The following GPR161 variants were observed in gnomAD, a reference collection of about 807,000 sequenced individuals.
GPR161 encodes the protein G-protein coupled receptor RE2.
A neutral mutation model predicts 39.2 loss-of-function variants in GPR161; 25 were observed. The ratio of observed to expected loss-of-function variants is 0.64; its 90% CI spans 0.47 to 0.89. The LOEUF is 0.89. Ranked by LOEUF, GPR161 falls within the 40% of genes least tolerant of loss-of-function variation. GPR161 has a pLI of 0.00. For synonymous variants in GPR161, 286 were observed against 276.6 expected (o/e 1.03, Z -0.34); for missense variants, 547 against 677.8 (o/e 0.81, Z 2.14).
At position 168,098,604 on chromosome 1, in the gene GPR161, C is replaced by G. The variant is rs1490843112; in HGVS notation, c.375-1372G>C. 6.6e-6 allele frequency among the ~76,000 whole-genome samples: 1 copy of G among 152,238 alleles called. No homozygotes were observed. Among genetic ancestry groups the G allele is most frequent in the African/African-American group, 2.4e-5 (1 of 41,464 alleles). ...CCCTTGGGCCCCAGCAGCTGAACTG[C>G]CACATGCTAACTGGAGGTGCTGCCT... On this transcript the variant is annotated intron_variant, in intron 2 of 5. Coordinates refer to ENST00000682931, the MANE Select transcript of GPR161 (RefSeq NM_001375883.1). This position sits in a 1 kb window ranked among gnomAD's most constrained non-coding sequence, Gnocchi z 4.1.
At chr1:168,099,020 A>C (rs1486687108) in intron 2 of GPR161, among the ~76,000 whole-genome samples, 2 of 152,204 alleles carry the variant, frequency 1.3e-5, no homozygotes, top group African/African-American at 4.8e-5. Context: ...TGCTCCTAGG[A>C]ACGAATGAGG....
intron 1 of GPR161, among the ~76,000 whole-genome samples, chr1:168,110,125 G>A (rs1379158592): frequency 2.0e-5 from 3 of 152,136 alleles, no homozygotes; most frequent in African/African-American, 7.2e-5. Context: ...TGATGAAAGT[G>A]AGCACATAGC....
chr1:168,112,381 G>A (rs548970920), intron 1 of GPR161, among the ~76,000 whole-genome samples: 1 of 150,848 alleles, frequency 6.6e-6, no homozygotes, highest in South Asian at 2.1e-4. Flanking sequence ...TCGGGAGGCT[G>A]AGGCAGGAGA....
chr1:168,104,460 G>A lies in GPR161; in HGVS notation c.374+17C>T, dbSNP rs752450162. On this transcript the variant is annotated intron_variant, in intron 2 of 5. Transcript: ENST00000682931. ...CGTCAGTAATCCCTCAATTCTCTAA[G>A]TCTGAGGCATGCTTACCGGTCGATG... is the stretch of plus-strand genomic sequence containing the variant. 1 of 1,602,408 alleles carries A rather than the reference G, an allele frequency of 6.2e-7. No homozygotes were observed. Among genetic ancestry groups the A allele is most frequent in the South Asian group, 1.1e-5 (1 of 90,176 alleles).
At chr1:168,120,326 C>G (rs1698063200) in intron 1 of GPR161, among the ~76,000 whole-genome samples, 1 of 152,156 alleles carries the variant, frequency 6.6e-6, no homozygotes, top group African/African-American at 2.4e-5. Flanking sequence ...GGTCTGTGGT[C>G]CCTTTGTTTT....
intron 3 of GPR161, among the ~76,000 whole-genome samples, chr1:168,092,946 G>A (rs2102123792): frequency 6.6e-6 from 1 of 152,212 alleles, no homozygotes; most frequent in South Asian, 2.1e-4. Context: ...ATACTGCCTG[G>A]GCCACCCTCC....
rs755169554 is a variant in GPR161 at position 168,085,605 on chromosome 1, T to G, written c.1516A>C (p.Arg506=). ...GGGFGGRRGS[R]TLVSQRLQLQ... ...TGCAGCCTCTGGCTCACAAGAGTTCTGCTGCCTCGGCGGCCCCCGAAGCCG... is the reference window on the plus strand; with the variant it reads ...TGCAGCCTCTGGCTCACAAGAGTTCGGCTGCCTCGGCGGCCCCCGAAGCCG... Residue 506 remains arginine, a synonymous_variant, in exon 6 of 6, where the codon AGA becomes CGA. Coordinates refer to ENST00000682931, the MANE Select transcript of GPR161 (RefSeq NM_001375883.1). 6.2e-7 allele frequency: 1 copy of G among 1,614,162 alleles called. No homozygotes were observed. Among genetic ancestry groups the G allele is most frequent in the South Asian group, 1.1e-5 (1 of 91,088 alleles).
rs369965998 is a variant in GPR161 at position 168,085,487 on chromosome 1, C to G, written c.*44G>C. On this transcript the variant is annotated 3_prime_UTR_variant, in exon 6 of 6. Coordinates refer to ENST00000682931, the MANE Select transcript of GPR161 (RefSeq NM_001375883.1). ...ACAGGCGGTGATGGGAACTCCTCCCCGGGCCAGCCTCTCAGGCTGCAGCCC... is the reference window on the plus strand; with the variant it reads ...ACAGGCGGTGATGGGAACTCCTCCCGGGGCCAGCCTCTCAGGCTGCAGCCC... The G allele has an allele frequency of 1.0e-5, 16 of 1,572,418 alleles. No homozygotes were observed. Among genetic ancestry groups the G allele is most frequent in the East Asian group, 2.3e-5 (1 of 44,408 alleles).
In GPR161 at chr1:168,096,901, T is replaced by A; in HGVS notation, c.706A>T (p.Arg236Trp). 2 of 1,614,150 alleles carry A rather than the reference T, an allele frequency of 1.2e-6. No individual in the cohort carries two copies. Among genetic ancestry groups the A allele is most frequent in the Non-Finnish European group, 8.5e-7 (1 of 1,180,012 alleles). ...GTGCTGGAGTTCTTCCTCCCGGTCC[T>A]CTGAGCATCCTCCTCCACGATGACG... ...TVVIVEEDAQ[R>W]TGRKNSSTST... The change falls in exon 3 of 6, where the codon AGG becomes TGG. Residue 236 changes from arginine (R) to tryptophan (W), a missense_variant. Physicochemically the swap from Arg to Trp is moderately radical, Grantham distance 101. Coordinates refer to ENST00000682931, the MANE Select transcript of GPR161 (RefSeq NM_001375883.1).
At chr1:168,105,045 G>A (rs912524601) in intron 1 of GPR161, 151 bp from the exon 2 acceptor site, 6 of 609,642 alleles carry the variant, frequency 9.8e-6, no homozygotes, top group East Asian at 5.5e-5. Context: ...CCACGTAAGC[G>A]CTACATAAGT....
intron 2 of GPR161, among the ~76,000 whole-genome samples, chr1:168,099,878 AAT>A (rs113103730): frequency 2.6e-3 from 384 of 150,222 alleles, no homozygotes; most frequent in African/African-American, 9.0e-3. Flanking sequence ...TGTACATTGA[AAT>A]GCACGCATCT....
chr1:168,093,189 T>C (rs982983426), intron 3 of GPR161, among the ~76,000 whole-genome samples: 1 of 152,130 alleles, frequency 6.6e-6, no homozygotes, highest in Non-Finnish European at 1.5e-5. Flanking sequence ...TGCCACATGG[T>C]GGTGCTGCGT....
At chr1:168,125,656 C>T (rs1698535252) in intron 1 of GPR161, among the ~76,000 whole-genome samples, 1 of 145,134 alleles carries the variant, frequency 6.9e-6, no homozygotes, top group Non-Finnish European at 1.5e-5. Flanking sequence ...CTCACCCTGT[C>T]GTCCAGGCTG....
chr1:168,090,721 C>T, intron 3 of GPR161, 53 bp from the exon 4 acceptor site: 1 of 981,140 alleles, frequency 1.0e-6, no homozygotes. Context: ...AAGGAGGGGC[C>T]CCAGCCTCCG....
chr1:168,101,893 G>T (rs1696135912), intron 2 of GPR161, among the ~76,000 whole-genome samples: 1 of 144,764 alleles, frequency 6.9e-6, no homozygotes, highest in Non-Finnish European at 1.5e-5. Flanking sequence ...TGCAACCCCT[G>T]CCTACCGGGT....
chr1:168,110,119 G>C (rs1696983537), intron 1 of GPR161, among the ~76,000 whole-genome samples: 1 of 152,182 alleles, frequency 6.6e-6, no homozygotes, highest in African/African-American at 2.4e-5. Flanking sequence ...AATACCTGAT[G>C]AAAGTGAGCA....
chr1:168,119,989 A>C (rs904896741), intron 1 of GPR161, among the ~76,000 whole-genome samples: 1 of 152,252 alleles, frequency 6.6e-6, no homozygotes, highest in African/African-American at 2.4e-5. Context: ...AGAGCAGTGC[A>C]GAAGGGAAAT....
intron 1 of GPR161, among the ~76,000 whole-genome samples, chr1:168,127,008 T>G (rs1444378549): frequency 6.6e-6 from 1 of 152,156 alleles, no homozygotes; most frequent in East Asian, 1.9e-4. Context: ...GAGACTCAAT[T>G]TCTCCTAAGA....
intron 1 of GPR161, 121 bp from the exon 2 acceptor site, chr1:168,105,015 A>G: frequency 1.4e-6 from 1 of 700,358 alleles, no homozygotes; most frequent in South Asian, 1.9e-5. Context: ...CAGCTAGTAC[A>G]GACTCTCAGC....
Sources: gnomAD v4.1 joint callset for allele counts (sites outside exome capture counted in the v4.1 genomes callset) on GRCh38, gnomAD v4.1.1 for gene constraint, Gnocchi (gnomAD v3.1) non-coding constraint, MANE v1.5 for transcripts, NCBI Gene and HGNC (gene_info 2026-07-23, HGNC 2026-07-21) for gene names.